ABCB4: variants seen among roughly 807,000 people sequenced by gnomAD.
ABCB4 encodes the protein phosphatidylcholine translocator ABCB4.
In ABCB4, 76 loss-of-function variants were observed where a neutral mutation model predicts 145.7. The ratio of observed to expected loss-of-function variants is 0.52; its 90% CI spans 0.43 to 0.63. ABCB4 has a LOEUF of 0.63. ABCB4 is among the 30% of genes least tolerant of loss of function. The pLI is 0.00. For synonymous variants in ABCB4, 517 were observed against 566.8 expected (o/e 0.91, Z 1.25); for missense variants, 1,234 against 1,553.1 (o/e 0.79, Z 3.45).
intron 21 of ABCB4, among the ~76,000 whole-genome samples, chr7:87,414,525 T>C (rs1203843504): frequency 6.6e-6 from 1 of 152,200 alleles, no homozygotes; most frequent in Non-Finnish European, 1.5e-5. Context: ...AGAGCAGTTC[T>C]CTGATTCTTA....
At chr7:87,422,072 T>C in intron 18 of ABCB4, 49 bp downstream of exon 18, 1 of 1,298,364 alleles carries the variant, frequency 7.7e-7, no homozygotes, top group Non-Finnish European at 1.1e-6. Context: ...ATTTAATTTC[T>C]CTAATTAAAT....
chr7:87,447,716 G>T (rs1027690647), intron 8 of ABCB4, among the ~76,000 whole-genome samples: 1 of 152,158 alleles, frequency 6.6e-6, no homozygotes, highest in African/African-American at 2.4e-5. Context: ...ATAAACATAG[G>T]CTTCTCTCTT....
intron 8 of ABCB4, 118 bp from the exon 9 acceptor site, chr7:87,447,323 C>T: frequency 2.1e-6 from 2 of 969,790 alleles, no homozygotes; most frequent in South Asian, 1.5e-5. Flanking sequence ...AGGTAATGAA[C>T]CCATGGTGAG....
At position 87,413,726 on chromosome 7, in the gene ABCB4, C is replaced by T. The variant is rs1313388728; in HGVS notation, c.2683-9G>A. The T allele has an allele frequency of 6.5e-7, 1 of 1,530,816 alleles. No homozygotes were observed. The highest frequency in any genetic ancestry group is 2.2e-5 in the East Asian group (1 of 44,464). The allele number at this position is 1,530,816 out of a possible 1,614,324, so 94.8% of individuals were successfully genotyped here. On this transcript the variant is annotated splice_polypyrimidine_tract_variant and intron_variant, in intron 21 of 27. Transcript: ENST00000649586. The stretch of plus-strand genomic sequence containing the variant: ...ATTGCCTCTGTTGCAATCTGTAACA[C>T]AGAATAGACCTTCATTAGAAGTGGT...
chr7:87,475,144 G>A (rs561879383), intron 2 of ABCB4, among the ~76,000 whole-genome samples: 11 of 152,274 alleles, frequency 7.2e-5, no homozygotes, highest in Admixed American at 2.6e-4. Flanking sequence ...AAAGGGAAGG[G>A]AGCACTTTTC....
At chr7:87,408,009 C>T in intron 25 of ABCB4, 28 bp downstream of exon 25, 7 of 1,611,654 alleles carry the variant, frequency 4.3e-6, no homozygotes, top group Non-Finnish European at 5.9e-6. Flanking sequence ...ATATAGCCTT[C>T]AATCAAGTTA....
At chr7:87,388,225 A>C in the ABCB4 span, among the ~76,000 whole-genome samples, 6,504 of 152,200 alleles carry the variant, frequency 0.043, 446 homozygotes, top group African/African-American at 0.15. Flanking sequence ...ATTCGATGCT[A>C]TCTCCATCAA....
At chr7:87,410,347 T>C (rs1808524695) in intron 23 of ABCB4, among the ~76,000 whole-genome samples, 1 of 152,174 alleles carries the variant, frequency 6.6e-6, no homozygotes, top group South Asian at 2.1e-4. Flanking sequence ...TGGGTTTTAA[T>C]ACCTAGGGGC....
chr7:87,384,604 T>G, the ABCB4 span, among the ~76,000 whole-genome samples: 534 of 152,332 alleles, frequency 3.5e-3, 4 homozygotes, highest in African/African-American at 0.012. Context: ...TTTTTTAAGT[T>G]CCTTATATAT....
the ABCB4 span, chr7:87,382,364 A>G: frequency 6.3e-7 from 1 of 1,589,524 alleles, no homozygotes; most frequent in African/African-American, 1.4e-5. Flanking sequence ...TCTTTGGTGT[A>G]TTCTCCTTAG....
the ABCB4 span, among the ~76,000 whole-genome samples, chr7:87,370,395 C>G: frequency 5.6e-4 from 86 of 152,234 alleles, no homozygotes; most frequent in Admixed American, 2.2e-3. Flanking sequence ...GTTGGCCAAG[C>G]TGGTCTTGAA....
intron 23 of ABCB4, among the ~76,000 whole-genome samples, chr7:87,410,348 A>G (rs1408525442): frequency 6.6e-6 from 1 of 152,180 alleles, no homozygotes; most frequent in African/African-American, 2.4e-5. Flanking sequence ...GGGTTTTAAT[A>G]CCTAGGGGCT....
the ABCB4 span, among the ~76,000 whole-genome samples, chr7:87,394,079 T>G: frequency 6.6e-6 from 1 of 152,178 alleles, no homozygotes; most frequent in Non-Finnish European, 1.5e-5. Flanking sequence ...CCTTACAGAC[T>G]TTATATGGTG....
At chr7:87,378,059 T>C in the ABCB4 span, among the ~76,000 whole-genome samples, 1 of 152,010 alleles carries the variant, frequency 6.6e-6, no homozygotes, top group Non-Finnish European at 1.5e-5. Flanking sequence ...TAAAGGGGTT[T>C]GGGGCTGGGT....
At chr7:87,452,378 CTTTTTT>C (rs528084596) in intron 6 of ABCB4, 55 of 134,748 alleles carry the variant, frequency 4.1e-4, no homozygotes, top group South Asian at 9.3e-4. Context: ...TTGCTTTTCC[CTTTTTT>C]TTTTTTTTTT....
downstream of ABCB4, among the ~76,000 whole-genome samples, chr7:87,401,270 A>C (rs1439318702): frequency 6.6e-6 from 1 of 152,228 alleles, no homozygotes; most frequent in Non-Finnish European, 1.5e-5. Flanking sequence ...TTGTTGCAGA[A>C]AATTGTGGAG....
intron 5 of ABCB4, among the ~76,000 whole-genome samples, chr7:87,453,862 C>T (rs1405627693): frequency 6.6e-6 from 1 of 151,976 alleles, no homozygotes; most frequent in East Asian, 1.9e-4. Flanking sequence ...TGTGAAATCG[C>T]CCTTTCCATA....
At position 87,451,716 on chromosome 7, in the gene ABCB4, T is replaced by A; in HGVS notation, c.615A>T (p.Gly205=). 1 of 1,614,142 alleles carries A rather than the reference T, an allele frequency of 6.2e-7. No homozygotes were observed. Among genetic ancestry groups the A allele is most frequent in the Non-Finnish European group, 8.5e-7 (1 of 1,180,018 alleles). ...ATCCTCTGATGAATCCCACTATGAA[T>A]CCTGCAAAAAACGTGGCTACTGCTT... ...FFQAVATFFA[G]FIVGFIRGWK... Residue 205 remains glycine (G), a synonymous_variant, in exon 7 of 28, where the codon GGA becomes GGT. Coordinates refer to ENST00000649586, the MANE Select transcript of ABCB4 (RefSeq NM_000443.4).
intron 24 of ABCB4, 148 bp from the exon 25 acceptor site, chr7:87,408,382 A>T: frequency 1.2e-6 from 1 of 854,422 alleles, no homozygotes; most frequent in South Asian, 1.6e-5. Flanking sequence ...TAATATTGAT[A>T]GCAAGTTATT....
Sources: gnomAD v4.1 joint callset for allele counts (sites outside exome capture counted in the v4.1 genomes callset) on GRCh38, gnomAD v4.1.1 for gene constraint, MANE v1.5 for transcripts, NCBI Gene and HGNC (gene_info 2026-07-23, HGNC 2026-07-21) for gene names.